The following ITM2B variants were observed in gnomAD, a reference collection of about 807,000 sequenced individuals.
ITM2B encodes the protein integral membrane protein 2B, also known as ABri/ADan amyloid peptide.
A neutral mutation model predicts 27.8 loss-of-function variants in ITM2B; 11 were observed. That is an observed-to-expected ratio of 0.40 (90% CI 0.25 to 0.66). ITM2B has a LOEUF of 0.66. Among genes scored for constraint, ITM2B ranks in the 30% least tolerant of loss-of-function variants. The probability of loss-of-function intolerance (pLI) is 0.43; values close to 1 mark genes in which losing one functional copy is unlikely to be tolerated. For missense variants in ITM2B, 296 were observed against 328.9 expected (o/e 0.90, Z 0.77); for synonymous variants, 114 against 114.3 (o/e 1.00, Z 0.02).
intron 1 of ITM2B, among the ~76,000 whole-genome samples, chr13:48,246,937 T>A (rs1951727397): frequency 6.6e-6 from 1 of 152,184 alleles, no homozygotes. Flanking sequence ...CAAGCGATTC[T>A]CGTGCCTCAG....
intron 1 of ITM2B, among the ~76,000 whole-genome samples, chr13:48,249,255 C>A (rs1951739622): frequency 6.6e-6 from 1 of 152,122 alleles, no homozygotes; most frequent in Non-Finnish European, 1.5e-5. Flanking sequence ...AGTGAGTAAT[C>A]TTTTGTGCTA....
At chr13:48,238,182 C>A (rs1476834851) in intron 1 of ITM2B, among the ~76,000 whole-genome samples, 4 of 152,116 alleles carry the variant, frequency 2.6e-5, no homozygotes, top group Non-Finnish European at 5.9e-5. Flanking sequence ...CTAAGGACAT[C>A]ATTTTTGAAA....
At chr13:48,243,288 T>G (rs1468003674) in intron 1 of ITM2B, among the ~76,000 whole-genome samples, 1 of 152,234 alleles carries the variant, frequency 6.6e-6, no homozygotes, top group African/African-American at 2.4e-5. Context: ...ATATGTTGCC[T>G]TTTTCATTTA....
At chr13:48,256,139 T>G (rs1292984859) in intron 2 of ITM2B, 38 bp from the exon 3 acceptor site, 1 of 1,456,256 alleles carries the variant, frequency 6.9e-7, no homozygotes, top group Non-Finnish European at 9.6e-7. Flanking sequence ...ACCTGTCTCA[T>G]GCTGAATTGC....
At chr13:48,247,312 A>C (rs747348793) in intron 1 of ITM2B, among the ~76,000 whole-genome samples, 1 of 152,146 alleles carries the variant, frequency 6.6e-6, no homozygotes, top group Non-Finnish European at 1.5e-5. Flanking sequence ...AAGGTTCAGT[A>C]TATTTTGAGT....
rs1951819379 is a variant in ITM2B, at chr13:48,261,119, CT to C, written c.716-14del. 4 of 1,577,988 alleles carry C rather than the reference CT, an allele frequency of 2.5e-6. No homozygotes were observed. The highest frequency in any genetic ancestry group is 2.3e-5 in the South Asian group (2 of 88,116). ...ATTAAAGAATCAAAATTTTAAAAAACTTTTTTCCCTCTCCAACAGGTATTCA... is the reference window on the plus strand; with the variant it reads ...ATTAAAGAATCAAAATTTTAAAAAACTTTTTCCCTCTCCAACAGGTATTCA... On this transcript the variant is annotated intron_variant, in intron 5 of 5. Coordinates refer to ENST00000647800, the MANE Select transcript of ITM2B (RefSeq NM_021999.5).
At position 48,233,316 on chromosome 13, in the gene ITM2B, G is replaced by A. The variant is rs765109304; in HGVS notation, c.-45G>A. 3 of 1,299,406 alleles carry A rather than the reference G, an allele frequency of 2.3e-6. No homozygotes were observed. Among genetic ancestry groups the A allele is most frequent in the Non-Finnish European group, 3.2e-6 (3 of 940,550 alleles). 80.5% of individuals were successfully genotyped at this position (1,299,406 alleles called of 1,614,324 possible). On this transcript the variant is annotated 5_prime_UTR_variant, in exon 1 of 6. Transcript: ENST00000647800. Reference sequence around the variant, plus strand: ...TCGCAGCCGGGAGCCCGCAGCCCGCGCCCCGAGCCCGCCGCCGCCCTTCGA... The same window carrying A: ...TCGCAGCCGGGAGCCCGCAGCCCGCACCCCGAGCCCGCCGCCGCCCTTCGA...
intron 1 of ITM2B, among the ~76,000 whole-genome samples, chr13:48,243,549 C>G (rs1222237777): frequency 6.6e-6 from 1 of 152,094 alleles, no homozygotes; most frequent in East Asian, 1.9e-4. Flanking sequence ...ATGCTGTGGG[C>G]CGGGCATGGT....
At chr13:48,242,514 C>T (rs1220822310) in intron 1 of ITM2B, among the ~76,000 whole-genome samples, 2 of 151,778 alleles carry the variant, frequency 1.3e-5, no homozygotes, top group African/African-American at 4.8e-5. Flanking sequence ...GGAAGAATTG[C>T]CTTTGTCTTT....
chr13:48,233,429 C>A lies in ITM2B; in HGVS notation c.69C>A (p.Gly23=). The A allele has an allele frequency of 6.5e-7, 1 of 1,545,254 alleles. No individual in the cohort carries two copies. The highest frequency in any genetic ancestry group is 2.6e-5 in the East Asian group (1 of 39,178). Residue 23 remains glycine, a synonymous_variant, in exon 1 of 6, where the codon GGC becomes GGA. Coordinates refer to ENST00000647800, the MANE Select transcript of ITM2B (RefSeq NM_021999.5). The part of the protein sequence containing the change: ...KEAKKDEPKS[G]EEALIIPPDA... ...CCAAGAAGGACGAGCCCAAGAGCGG[C>A]GAGGAGGCGCTCATCATCCCCCCCG... is the stretch of plus-strand genomic sequence containing the variant.
intron 5 of ITM2B, among the ~76,000 whole-genome samples, chr13:48,259,482 ATC>A (rs1951809632): frequency 6.6e-6 from 1 of 152,194 alleles, no homozygotes; most frequent in South Asian, 2.1e-4. Context: ...GAATTACAGT[ATC>A]TCCCCATTTC....
chr13:48,267,512 G>C lies in ITM2B; in HGVS notation c.*6288G>C, dbSNP rs927788655. 1.3e-5 allele frequency: 2 copies of C among 152,152 alleles called. No individual in the cohort carries two copies. The highest frequency in any genetic ancestry group is 4.8e-5 in the African/African-American group (2 of 41,412). 9.4% of individuals were successfully genotyped at this position (152,152 alleles called of 1,614,324 possible). On this transcript the variant is annotated 3_prime_UTR_variant, in exon 6 of 6. Transcript: ENST00000647800. ...GCTAGCTGACACTCTAAAAAATTAT[G>C]AGTGCCTTCCTTTAGCTCCCCATAG... is the stretch of plus-strand genomic sequence containing the variant.
At chr13:48,250,434 C>A (rs1378107972) in intron 1 of ITM2B, among the ~76,000 whole-genome samples, 1 of 151,904 alleles carries the variant, frequency 6.6e-6, no homozygotes, top group Non-Finnish European at 1.5e-5. Context: ...CCTGGCTACA[C>A]GGTGAAACCC....
At chr13:48,259,404 G>A (rs1206494371) in intron 5 of ITM2B, among the ~76,000 whole-genome samples, 2 of 152,220 alleles carry the variant, frequency 1.3e-5, no homozygotes, top group Admixed American at 6.5e-5. Context: ...AGAACTAAGA[G>A]CATTGATACA....
intron 1 of ITM2B, among the ~76,000 whole-genome samples, chr13:48,236,016 C>G (rs1951666313): frequency 6.6e-6 from 1 of 152,102 alleles, no homozygotes; most frequent in Non-Finnish European, 1.5e-5. Context: ...TTTTTTTCTT[C>G]TGCAGGGTGA....
intron 1 of ITM2B, among the ~76,000 whole-genome samples, chr13:48,242,530 A>AT (rs1269817491): frequency 6.6e-6 from 1 of 152,056 alleles, no homozygotes; most frequent in Non-Finnish European, 1.5e-5. Context: ...TCTTTATCAC[A>AT]TGCTAGATCT....
chr13:48,234,923 G>T (rs1236787111), intron 1 of ITM2B, among the ~76,000 whole-genome samples: 1 of 152,116 alleles, frequency 6.6e-6, no homozygotes, highest in African/African-American at 2.4e-5. Flanking sequence ...TTAGCTCTTT[G>T]TTTATCTAAC....
chr13:48,269,309 T>C lies in ITM2B; in HGVS notation c.*8085T>C, dbSNP rs138077409. The C allele has an allele frequency of 1.2e-4, 19 of 152,386 alleles. No homozygotes were observed. The highest frequency in any genetic ancestry group is 4.6e-4 in the African/African-American group (19 of 41,570). 9.4% of individuals were successfully genotyped at this position (152,386 alleles called of 1,614,324 possible). ...CTGCTAACATAGTAGTCAAAGCTGC[T>C]ATCATCTCTTGCTTGGATTGGTGCA... On this transcript the variant is annotated 3_prime_UTR_variant, in exon 6 of 6. Coordinates refer to ENST00000647800, the MANE Select transcript of ITM2B (RefSeq NM_021999.5).
chr13:48,255,338 C>T (rs576643928), intron 2 of ITM2B, among the ~76,000 whole-genome samples: 2 of 152,274 alleles, frequency 1.3e-5, no homozygotes, highest in Admixed American at 6.5e-5. Context: ...GTCATCCAGG[C>T]TGGAGTGCGG....
Sources: allele counts gnomAD v4.1 joint callset (sites outside exome capture counted in the v4.1 genomes callset), GRCh38; gene constraint gnomAD v4.1.1; transcripts MANE v1.5; gene names NCBI Gene and HGNC (gene_info 2026-07-23, HGNC 2026-07-21).